Variants in CASK observed in about 807,000 individuals in gnomAD.
CASK encodes peripheral plasma membrane protein CASK.
In CASK, 4 loss-of-function variants were observed where a neutral mutation model predicts 82.9. That is an observed-to-expected ratio of 0.05 (90% CI 0.02 to 0.11). The LOEUF is 0.11. Ranked by LOEUF, CASK falls within the 10% of genes least tolerant of loss-of-function variation. The pLI is 1.00. For missense variants in CASK, 358 were observed against 720.9 expected, an observed-to-expected ratio of 0.50 and a Z score of 5.76; for synonymous variants, 259 against 253.5, an observed-to-expected ratio of 1.02 and a Z score of -0.20.
intron 4 of CASK, among the ~76,000 whole-genome samples, chrX:41,744,495 G>A (rs1302475901): frequency 3.6e-5 from 4 of 110,556 alleles, no homozygotes; most frequent in Non-Finnish European, 7.6e-5. Context: ...ACAGGCTCCC[G>A]CCACCACGCC....
intron 6 of CASK, among the ~76,000 whole-genome samples, chrX:41,668,055 A>G (rs1404356583): frequency 1.8e-5 from 2 of 111,863 alleles, no homozygotes; most frequent in African/African-American, 6.5e-5. Flanking sequence ...GCTATTAACT[A>G]GAACCTGACT....
At chrX:41,558,799 G>C (rs1159549718) in intron 18 of CASK, 2 of 111,182 alleles carry the variant, frequency 1.8e-5, no homozygotes, top group African/African-American at 6.5e-5. Context: ...TCTTCAATAG[G>C]CTTTTAAAAA....
chrX:41,648,075 C>T (rs775135786), intron 8 of CASK, among the ~76,000 whole-genome samples: 52 of 112,165 alleles, frequency 4.6e-4, no homozygotes, highest in African/African-American at 1.6e-3. Flanking sequence ...CTTTCAAAAG[C>T]AAATGGGAGA....
chrX:41,633,050 AAAAAAAAAT>A (rs759467160), intron 9 of CASK, among the ~76,000 whole-genome samples: 95 of 100,543 alleles, frequency 9.4e-4, no homozygotes, highest in South Asian at 2.2e-3. Context: ...TCAAAAAAAA[AAAAAAAAAT>A]AATAATAATA....
chrX:41,762,874 C>T (rs971766248), intron 3 of CASK, among the ~76,000 whole-genome samples: 1 of 111,406 alleles, frequency 9.0e-6, no homozygotes, highest in African/African-American at 3.3e-5. Context: ...ATGCCTCTCT[C>T]TTTTCCCACT....
At chrX:41,662,511 C>T (rs992923103) in intron 7 of CASK, among the ~76,000 whole-genome samples, 2 of 111,173 alleles carry the variant, frequency 1.8e-5, no homozygotes, top group African/African-American at 6.6e-5. Context: ...GAAATGTGGC[C>T]GGGTGCGGTG....
chrX:41,856,249 T>G (rs1218171505), intron 1 of CASK, among the ~76,000 whole-genome samples: 1 of 111,698 alleles, frequency 9.0e-6, no homozygotes, highest in African/African-American at 3.3e-5. Context: ...TCCACTACAA[T>G]GATACCAAAG....
intron 12 of CASK, among the ~76,000 whole-genome samples, chrX:41,599,741 T>A (rs940168764): frequency 8.9e-6 from 1 of 111,984 alleles, no homozygotes; most frequent in Non-Finnish European, 1.9e-5. Flanking sequence ...TGGCCTCAGA[T>A]GACCTAGCTT....
chrX:41,906,407 C>G (rs2072471024), intron 1 of CASK, among the ~76,000 whole-genome samples: 1 of 112,505 alleles, frequency 8.9e-6, no homozygotes, highest in Non-Finnish European at 1.9e-5. Flanking sequence ...TCCAATACTG[C>G]AGCATAAGTA....
intron 2 of CASK, among the ~76,000 whole-genome samples, chrX:41,839,230 A>T (rs991874975): frequency 9.0e-6 from 1 of 111,515 alleles, no homozygotes; most frequent in Non-Finnish European, 1.9e-5. Flanking sequence ...CTAGAGATAG[A>T]TTTGGGGAGA....
In CASK at chrX:41,517,823, A is replaced by G. The variant is rs2064581880; in HGVS notation, c.*2597T>C. On this transcript the variant is annotated 3_prime_UTR_variant, in exon 27 of 27. Transcript: ENST00000378163. ...AGCAGCAGCAGCAGCAGCAGCAGCA[A>G]TGTACTGAAATTACTCTGAATTCAG... The G allele has an allele frequency of 2.9e-6, 2 of 694,199 alleles. No individual in the cohort carries two copies. The highest frequency in any genetic ancestry group is 4.7e-5 in the South Asian group (2 of 42,332). 57.2% of individuals were successfully genotyped at this position (694,199 alleles called of 1,213,427 possible).
intron 8 of CASK, among the ~76,000 whole-genome samples, chrX:41,640,476 A>G (rs5918216): frequency 0.11 from 12,754 of 111,081 alleles, 716 homozygotes; most frequent in Middle Eastern, 0.18. Flanking sequence ...TGCTGGGATT[A>G]CAGGTGTGAG....
At chrX:41,761,044 G>A (rs1481403570) in intron 3 of CASK, among the ~76,000 whole-genome samples, 1 of 111,118 alleles carries the variant, frequency 9.0e-6, no homozygotes, top group East Asian at 2.8e-4. Flanking sequence ...AGTCTCTCTA[G>A]CCCTTATTTC....
At chrX:41,620,071 G>A (rs2066263597) in intron 11 of CASK, among the ~76,000 whole-genome samples, 1 of 112,050 alleles carries the variant, frequency 8.9e-6, no homozygotes, top group Non-Finnish European at 1.9e-5. Context: ...AATGAGTTTT[G>A]ATATACCCAA....
chrX:41,922,231 T>G (rs1296278214), intron 1 of CASK, among the ~76,000 whole-genome samples: 1 of 112,036 alleles, frequency 8.9e-6, no homozygotes, highest in African/African-American at 3.3e-5. Context: ...GCATTTGGAC[T>G]GTCAGTTCTA....
chrX:41,523,622 G>C (rs2064668352), intron 26 of CASK, among the ~76,000 whole-genome samples: 1 of 112,418 alleles, frequency 8.9e-6, no homozygotes, highest in African/African-American at 3.2e-5. Context: ...CTGATTTCTA[G>C]GTTTGGTAGT....
chrX:41,622,156 G>C (rs2066296435), intron 11 of CASK, among the ~76,000 whole-genome samples: 1 of 112,073 alleles, frequency 8.9e-6, no homozygotes, highest in Non-Finnish European at 1.9e-5. Context: ...GTTGTTAAGA[G>C]ATATGATTTC....
At chrX:41,813,949 C>T (rs376799794) in intron 2 of CASK, among the ~76,000 whole-genome samples, 26 of 111,776 alleles carry the variant, frequency 2.3e-4, no homozygotes, top group African/African-American at 7.8e-4. Flanking sequence ...AACAGACACT[C>T]CTCAAAAGAA....
chrX:41,600,529 T>C (rs2065878899), intron 12 of CASK, among the ~76,000 whole-genome samples: 1 of 112,444 alleles, frequency 8.9e-6, no homozygotes, highest in South Asian at 3.6e-4. Context: ...CATGGTGTCA[T>C]AAAAAGAGAA....
Sources: allele counts gnomAD v4.1 joint callset (sites outside exome capture counted in the v4.1 genomes callset), GRCh38; gene constraint gnomAD v4.1.1; transcripts MANE v1.5; gene names NCBI Gene and HGNC (gene_info 2026-07-23, HGNC 2026-07-21).